MLH3: variants seen among roughly 807,000 people sequenced by gnomAD.
MLH3 encodes the protein DNA mismatch repair protein Mlh3.
In MLH3, 82 loss-of-function variants were observed where a neutral mutation model predicts 122.2. That is an observed-to-expected ratio of 0.67 (90% CI 0.56 to 0.81). The LOEUF (loss-of-function observed/expected upper bound fraction) is 0.81, where lower values mean the gene tolerates loss of function less well. MLH3 is among the 30% of genes least tolerant of loss of function. The pLI is 0.00. For synonymous variants in MLH3, 524 were observed against 599.5 expected (o/e 0.87, Z 1.84); for missense variants, 1,539 against 1,714.5 (o/e 0.90, Z 1.81).
chr14:75,039,892 T>C lies in MLH3; in HGVS notation c.3570+19A>G. Reference sequence around the variant, plus strand: ...ATATATATATATATATTTATGAGATTTTGAAGTTAATCTTTTACCTGCATT... The same window carrying C: ...ATATATATATATATATTTATGAGATCTTGAAGTTAATCTTTTACCTGCATT... On this transcript the variant is annotated intron_variant, in intron 5 of 12. Transcript: ENST00000355774. 1 of 895,806 alleles carries C rather than the reference T, an allele frequency of 1.1e-6. No individual in the cohort carries two copies. The highest frequency in any genetic ancestry group is 1.8e-6 in the Non-Finnish European group (1 of 565,012). The allele number at this position is 895,806 out of a possible 1,614,324, so 55.5% of individuals were successfully genotyped here. A position where few individuals can be genotyped will look rare whatever the true frequency, so the allele number is the denominator to read the frequency against.
In MLH3 at chr14:75,021,583, A is replaced by G. The variant is rs1285738968; in HGVS notation, c.4090+1231T>C. Among the ~76,000 whole-genome samples, 4 of 152,362 alleles carry G rather than the reference A, an allele frequency of 2.6e-5. No homozygotes were observed. In the East Asian group the frequency reaches 7.7e-4, roughly 29 times the overall value. On this transcript the variant is annotated intron_variant, in intron 11 of 12. Transcript: ENST00000355774. The stretch of plus-strand genomic sequence containing the variant: ...CCAACAAGCATATAAAAAATGTTCA[A>G]TGTCACTAATCATTAGAGAAATGCA...
In MLH3 at chr14:75,046,755, T is replaced by A. The variant is rs1892260703; in HGVS notation, c.2901A>T (p.Glu967Asp). The A allele has an allele frequency of 6.2e-7, 1 of 1,614,072 alleles. No individual in the cohort carries two copies. Among genetic ancestry groups the A allele is most frequent in the Non-Finnish European group, 8.5e-7 (1 of 1,180,024 alleles). ...SNTTENCVIS[E>D]TPLVLPYNNS... ...TATTATAGGGCAATACCAAAGGAGT[T>A]TCTGATATCACACAGTTCTCTGTTG... Residue 967 changes from glutamate (E) to aspartate (D), a missense_variant, in exon 2 of 13, where the codon GAA becomes GAT. By Grantham distance (45) the Glu-to-Asp change is conservative. Coordinates refer to ENST00000355774, the MANE Select transcript of MLH3 (RefSeq NM_001040108.2).
chr14:75,041,504 T>C (rs1891849810), intron 4 of MLH3, 111 bp downstream of exon 4: 1 of 814,902 alleles, frequency 1.2e-6, no homozygotes, highest in African/African-American at 1.7e-5. Context: ...GCCGAGATCA[T>C]GCCATTGCAT....
intron 9 of MLH3, among the ~76,000 whole-genome samples, chr14:75,023,301 T>C (rs2139330998): frequency 6.6e-6 from 1 of 152,298 alleles, no homozygotes; most frequent in South Asian, 2.1e-4. Flanking sequence ...CTGGTGAGAG[T>C]AGCCTTGATG....
intron 9 of MLH3, 114 bp from the exon 10 acceptor site, chr14:75,023,132 G>T: frequency 8.2e-7 from 1 of 1,221,056 alleles, no homozygotes; most frequent in Non-Finnish European, 1.2e-6. Context: ...GAAAGAAAGA[G>T]TTCCAGCAAT....
chr14:75,031,458 A>G (rs892313906), intron 8 of MLH3, among the ~76,000 whole-genome samples: 2 of 152,256 alleles, frequency 1.3e-5, no homozygotes, highest in Non-Finnish European at 2.9e-5. Flanking sequence ...GAGTGTTCTA[A>G]GCCAACTGCT....
At chr14:75,049,790 A>C in intron 1 of MLH3, 72 bp from the exon 2 acceptor site, 1 of 910,388 alleles carries the variant, frequency 1.1e-6, no homozygotes, top group Non-Finnish European at 1.7e-6. Context: ...AAGAAATAGC[A>C]CTTGAGGTAA....
In MLH3 at chr14:75,049,158, C is replaced by T; in HGVS notation, c.498G>A (p.Leu166=). 1.2e-6 allele frequency: 2 copies of T among 1,614,164 alleles called. No homozygotes were observed. The highest frequency in any genetic ancestry group is 1.7e-6 in the Non-Finnish European group (2 of 1,180,012). ...TTCTCTGCCTAACCTTCTCAAACTC[C>T]AGTCTAGGGTCCATGCATTTCCTCC... ...PVRRKCMDPR[L]EFEKVRQRIE... is the part of the protein sequence containing the mutation. The change falls in exon 2 of 13, where the codon CTG becomes CTA. Residue 166 remains leucine (L), a synonymous_variant. Coordinates refer to ENST00000355774, the MANE Select transcript of MLH3 (RefSeq NM_001040108.2).
intron 9 of MLH3, among the ~76,000 whole-genome samples, chr14:75,027,521 A>G (rs1368850424): frequency 6.6e-6 from 1 of 152,090 alleles, no homozygotes; most frequent in African/African-American, 2.4e-5. Flanking sequence ...TTGGCCTCCC[A>G]AAGTGCTGGG....
rs2139568252 is a variant in MLH3, at chr14:75,047,494, C to T, written c.2162G>A (p.Arg721Lys). ...SDTSPSFPWY[R>K]HVSNDSRKTD... ...TTTCCTACTATCATTGGAAACGTGT[C>T]TATACCAGGGGAAAGAGGGGGATGT... Residue 721 changes from arginine to lysine, a missense_variant, in exon 2 of 13, where the codon AGA becomes AAA. Coordinates refer to ENST00000355774, the MANE Select transcript of MLH3 (RefSeq NM_001040108.2). 4 of 1,614,132 alleles carry T rather than the reference C, an allele frequency of 2.5e-6. No homozygotes were observed. Among genetic ancestry groups the T allele is most frequent in the African/African-American group, 2.7e-5 (2 of 75,068 alleles).
intron 9 of MLH3, among the ~76,000 whole-genome samples, chr14:75,027,688 A>AAAAAAAAAAACAAAAAAAAAAC (rs1566580542): frequency 1.5e-5 from 2 of 134,546 alleles, no homozygotes; most frequent in Non-Finnish European, 3.2e-5. Flanking sequence ...AAAAAAAAAA[A>AAAAAAAAAAACAAAAAAAAAAC]AAAAAACCCA....
At position 75,046,365 on chromosome 14, in the gene MLH3, T is replaced by C. The variant is rs750372234; in HGVS notation, c.3280+11A>G. On this transcript the variant is annotated intron_variant, in intron 2 of 12. Transcript: ENST00000355774. ...AAAAGCATCTCATGCACATGAATAC[T>C]ACGTACTTACCATTCTCAAGTACAA... The C allele has an allele frequency of 1.2e-6, 2 of 1,613,900 alleles. No individual in the cohort carries two copies. Among genetic ancestry groups the C allele is most frequent in the Non-Finnish European group, 1.7e-6 (2 of 1,179,722 alleles).
chr14:75,042,208 T>C (rs1175285520), intron 3 of MLH3, among the ~76,000 whole-genome samples, 171 bp downstream of exon 3: 1 of 152,258 alleles, frequency 6.6e-6, no homozygotes, highest in African/African-American at 2.4e-5. Context: ...ATTTCTGACC[T>C]AAATGCATGC....
intron 9 of MLH3, among the ~76,000 whole-genome samples, chr14:75,024,999 T>C (rs1276123407): frequency 6.6e-6 from 1 of 152,238 alleles, no homozygotes; most frequent in Non-Finnish European, 1.5e-5. Context: ...TCTTTGGATC[T>C]GTCTGATCCA....
chr14:75,049,275 T>C lies in MLH3; in HGVS notation c.381A>G (p.Gly127=). The change falls in exon 2 of 13, where the codon GGA becomes GGG. Residue 127 remains glycine, a synonymous_variant. Transcript: ENST00000355774. ...CAGCTTCACAAGCTTTCAGGGCTTT[T>C]CCACTCTGAAACAGTTTCACAAAAG... ...MKTFVKLFQS[G]KALKACEADV... The C allele has an allele frequency of 6.2e-7, 1 of 1,614,256 alleles. No homozygotes were observed. The highest frequency in any genetic ancestry group is 1.1e-5 in the South Asian group (1 of 91,086).
chr14:75,050,660 A>T (rs2139622882), intron 1 of MLH3, among the ~76,000 whole-genome samples: 1 of 152,250 alleles, frequency 6.6e-6, no homozygotes. Flanking sequence ...TTGGCCTCCC[A>T]AAGTGCTGGG....
intron 7 of MLH3, among the ~76,000 whole-genome samples, chr14:75,032,389 T>C (rs1397458716): frequency 1.3e-5 from 2 of 152,216 alleles, no homozygotes; most frequent in African/African-American, 2.4e-5. Context: ...ATAAGAAATA[T>C]AAGACTTGCA....
chr14:75,017,091 C>T lies in MLH3; in HGVS notation c.4353G>A (p.Glu1451=). Residue 1451 remains glutamate (E), a synonymous_variant, in exon 13 of 13, where the codon GAG becomes GAA. Transcript: ENST00000355774. ...ACCAGTGATTCTGTTCTCATGGTGG[C>T]TCACAGGGAGGCATGGATTGCTGCA... ...QSLQQSMPPC[E]PP 6.2e-7 allele frequency: 1 copy of T among 1,613,676 alleles called. No individual in the cohort carries two copies. Among genetic ancestry groups the T allele is most frequent in the Non-Finnish European group, 8.5e-7 (1 of 1,179,902 alleles).
Position 75,016,901 on chromosome 14 carries a change from C to T in MLH3, c.*181G>A, listed in dbSNP as rs904773191. On this transcript the variant is annotated 3_prime_UTR_variant, in exon 13 of 13. Transcript: ENST00000355774. The stretch of plus-strand genomic sequence containing the variant: ...GTCTTTAGGCTTGAATTTCATCTGG[C>T]TACTCAACTAGGGGAATCATCTGCT... 2.2e-5 allele frequency: 15 copies of T among 668,952 alleles called. No homozygotes were observed. Among genetic ancestry groups the T allele is most frequent in the African/African-American group, 3.5e-5 (2 of 56,616 alleles). The allele number at this position is 668,952 out of a possible 1,614,324, so 41.4% of individuals were successfully genotyped here. A position where few individuals can be genotyped will look rare whatever the true frequency, so the allele number is the denominator to read the frequency against.
Sources: gnomAD v4.1 joint callset for allele counts (sites outside exome capture counted in the v4.1 genomes callset) on GRCh38, gnomAD v4.1.1 for gene constraint, MANE v1.5 for transcripts, NCBI Gene and HGNC (gene_info 2026-07-23, HGNC 2026-07-21) for gene names.